PHACTR1: variants seen among roughly 807,000 people sequenced by gnomAD.
PHACTR1 encodes the protein RPEL repeat containing 1.
A neutral mutation model predicts 69.2 loss-of-function variants in PHACTR1; 16 were observed. That is an observed-to-expected ratio of 0.23 (90% CI 0.16 to 0.35). The LOEUF is 0.35. Among genes scored for constraint, PHACTR1 ranks in the 10% least tolerant of loss-of-function variants. The probability of loss-of-function intolerance (pLI) is 1.00; values close to 1 mark genes in which losing one functional copy is unlikely to be tolerated. For synonymous variants in PHACTR1, 312 were observed against 284.5 expected (o/e 1.10, Z -0.97); for missense variants, 510 against 734.7 (o/e 0.69, Z 3.54).
intron 10 of PHACTR1, among the ~76,000 whole-genome samples, chr6:13,265,631 C>G (rs1027149606): frequency 6.6e-6 from 1 of 152,236 alleles, no homozygotes; most frequent in Admixed American, 6.5e-5. Flanking sequence ...TCTATTGGAA[C>G]ATCCCCTGGG....
rs139641312 is a variant in PHACTR1, at chr6:12,739,947, C to T, written c.104-9697C>T. Among the ~76,000 whole-genome samples, 354 of 152,294 alleles carry T rather than the reference C, an allele frequency of 2.3e-3. 1 individual carries two copies. The highest frequency in any genetic ancestry group is 4.1e-3 in the Non-Finnish European group (278 of 68,028). ...TCACCTTTTCTAAAAAGTACAACCA[C>T]GACCCAAATCAACATACAATTCCCT... On this transcript the variant is annotated intron_variant, in intron 3 of 14. Transcript: ENST00000332995.
intron 6 of PHACTR1, among the ~76,000 whole-genome samples, chr6:13,160,592 C>T (rs1758847659): frequency 6.6e-6 from 1 of 152,202 alleles, no homozygotes. Context: ...CATGCAAATA[C>T]ACACGACCAG....
At chr6:12,955,167 A>C (rs976052326) in intron 4 of PHACTR1, among the ~76,000 whole-genome samples, 3 of 146,332 alleles carry the variant, frequency 2.1e-5, no homozygotes, top group African/African-American at 8.1e-5. Flanking sequence ...TGAAAATTAC[A>C]TCTATGGCTC....
chr6:12,900,264 C>T (rs1237260609), intron 4 of PHACTR1, among the ~76,000 whole-genome samples: 2 of 152,032 alleles, frequency 1.3e-5, no homozygotes, highest in African/African-American at 4.8e-5. Context: ...TGTTTTTAAA[C>T]AACTTCCATT....
At chr6:12,826,089 A>AT (rs1375888207) in intron 4 of PHACTR1, among the ~76,000 whole-genome samples, 11 of 152,262 alleles carry the variant, frequency 7.2e-5, no homozygotes, top group Non-Finnish European at 1.5e-4. Flanking sequence ...ACTGAAAGTA[A>AT]TTTTTTCCCA....
rs146892781 is a variant in PHACTR1 at position 12,772,149 on chromosome 6, A to T, written c.250+22359A>T. ...GTTAGAGGGAGACAGATGTCAAGAG[A>T]GGTTTGATATTGTTTTTCTGTTTTC... On this transcript the variant is annotated intron_variant, in intron 4 of 14. Coordinates refer to ENST00000332995, the MANE Select transcript of PHACTR1 (RefSeq NM_030948.6). 3.3e-3 allele frequency among the ~76,000 whole-genome samples: 506 copies of T among 152,234 alleles called. 5 individuals carry two copies. Among genetic ancestry groups the T allele is most frequent in the African/African-American group, 0.012 (483 of 41,528 alleles).
chr6:12,769,896 C>A (rs1291122300), intron 4 of PHACTR1, among the ~76,000 whole-genome samples: 1 of 152,192 alleles, frequency 6.6e-6, no homozygotes, highest in Non-Finnish European at 1.5e-5. Context: ...GCAATTTGTC[C>A]CACGCCATAG....
At chr6:13,069,971 C>T (rs540725957) in intron 5 of PHACTR1, among the ~76,000 whole-genome samples, 11 of 152,174 alleles carry the variant, frequency 7.2e-5, no homozygotes, top group Non-Finnish European at 1.0e-4. Flanking sequence ...ACTCCATGGT[C>T]GCACTGGACT....
At chr6:13,196,965 T>C (rs1251688914) in intron 7 of PHACTR1, among the ~76,000 whole-genome samples, 1 of 152,212 alleles carries the variant, frequency 6.6e-6, no homozygotes, top group East Asian at 1.9e-4. Flanking sequence ...TTTTTTTGGC[T>C]TCTACCTTCC....
At chr6:13,252,841 G>T (rs769741546) in intron 10 of PHACTR1, among the ~76,000 whole-genome samples, 6 of 152,162 alleles carry the variant, frequency 3.9e-5, no homozygotes, top group Non-Finnish European at 7.4e-5. Context: ...TAGGGAAAAT[G>T]AGACTTTTAT....
At chr6:13,207,270 T>G (rs1347902086) in intron 8 of PHACTR1, among the ~76,000 whole-genome samples, 3 of 152,164 alleles carry the variant, frequency 2.0e-5, no homozygotes, top group African/African-American at 7.2e-5. Flanking sequence ...AATTAAAATA[T>G]GAAATAAGAA....
chr6:12,796,909 A>G (rs1018632389), intron 4 of PHACTR1, among the ~76,000 whole-genome samples: 2 of 152,136 alleles, frequency 1.3e-5, no homozygotes, highest in African/African-American at 4.8e-5. Flanking sequence ...AGAGAAAATT[A>G]AGACTCAGAA....
intron 3 of PHACTR1, among the ~76,000 whole-genome samples, chr6:12,748,580 C>T (rs1766110390): frequency 6.6e-6 from 1 of 152,096 alleles, no homozygotes; most frequent in Non-Finnish European, 1.5e-5. Context: ...TTATTCACAC[C>T]CCAGAAACCT....
intron 7 of PHACTR1, among the ~76,000 whole-genome samples, chr6:13,200,423 G>C (rs1278793518): frequency 6.6e-6 from 1 of 152,048 alleles, no homozygotes; most frequent in Non-Finnish European, 1.5e-5. Flanking sequence ...TGGGATTACA[G>C]GCACGTGCCA....
intron 4 of PHACTR1, among the ~76,000 whole-genome samples, chr6:12,858,114 G>C (rs1241393985): frequency 6.6e-6 from 1 of 152,214 alleles, no homozygotes. Flanking sequence ...GTAAATTGCA[G>C]AAGTTGGAGT....
chr6:13,184,230 G>C (rs1240154520), intron 7 of PHACTR1, among the ~76,000 whole-genome samples: 1 of 152,186 alleles, frequency 6.6e-6, no homozygotes, highest in Non-Finnish European at 1.5e-5. Flanking sequence ...TGAGGTGTCA[G>C]CGTTCCAGGC....
rs752118282 is a variant in PHACTR1, at chr6:13,275,036, T to C, written c.1447+2121T>C. On this transcript the variant is annotated intron_variant, in intron 11 of 14. Transcript: ENST00000332995. This position sits in a 1 kb window ranked among gnomAD's most constrained non-coding sequence, Gnocchi z 4.0. ...TTGCGATTGTTAAACAAAAAAAATG[T>C]CTAGTGGTATAAGAAAACATCCTCC... is the stretch of plus-strand genomic sequence containing the variant. 1 of 152,238 alleles carries C rather than the reference T, an allele frequency of 6.6e-6. No individual in the cohort carries two copies. The highest frequency in any genetic ancestry group is 1.5e-5 in the Non-Finnish European group (1 of 68,048). The allele number at this position is 152,238 out of a possible 1,614,324, so 9.4% of individuals were successfully genotyped here.
chr6:12,762,675 A>G (rs557873341), intron 4 of PHACTR1, among the ~76,000 whole-genome samples: 27 of 152,132 alleles, frequency 1.8e-4, no homozygotes, highest in African/African-American at 5.8e-4. Context: ...TCACCTCAGA[A>G]CTCCTCCCTG....
At chr6:13,037,050 G>A (rs757951346) in intron 4 of PHACTR1, among the ~76,000 whole-genome samples, 3 of 152,164 alleles carry the variant, frequency 2.0e-5, no homozygotes, top group African/African-American at 7.2e-5. Context: ...GGCCCAAAAA[G>A]TAAGGTCATT....
Sources: allele counts gnomAD v4.1 joint callset (sites outside exome capture counted in the v4.1 genomes callset), GRCh38; gene constraint gnomAD v4.1.1; non-coding constraint Gnocchi (gnomAD v3.1); transcripts MANE v1.5; gene names NCBI Gene and HGNC (gene_info 2026-07-23, HGNC 2026-07-21).